Variants in ZFAND4 observed in about 807,000 individuals in gnomAD.
ZFAND4 encodes the protein zinc finger AN1-type containing 4, also known as AN1-type zinc finger protein 4.
Under a neutral mutation model 64.4 loss-of-function variants are expected in ZFAND4, and 43 were observed. The ratio of observed to expected loss-of-function variants is 0.67; its 90% CI spans 0.52 to 0.86. ZFAND4 has a LOEUF of 0.86. Ranked by LOEUF, ZFAND4 falls within the 40% of genes least tolerant of loss-of-function variation. The pLI is 0.00. For synonymous variants in ZFAND4, 296 were observed against 305.7 expected (o/e 0.97, Z 0.33); for missense variants, 929 against 859.8 (o/e 1.08, Z -1.01).
intron 8 of ZFAND4, among the ~76,000 whole-genome samples, chr10:45,623,440 C>A (rs2045576287): frequency 6.6e-6 from 1 of 151,924 alleles, no homozygotes; most frequent in African/African-American, 2.4e-5. Context: ...TGTGTGTGTA[C>A]ACACACACGC....
rs1448799961 is a variant in ZFAND4, at chr10:45,626,595, C to A, written c.1228G>T (p.Asp410Tyr). The A allele has an allele frequency of 6.2e-7, 1 of 1,614,094 alleles. No individual in the cohort carries two copies. Among genetic ancestry groups the A allele is most frequent in the East Asian group, 2.2e-5 (1 of 44,894 alleles). The change falls in exon 7 of 10, where the codon GAT becomes TAT. Residue 410 changes from aspartate to tyrosine, a missense_variant. Coordinates refer to ENST00000344646, the MANE Select transcript of ZFAND4 (RefSeq NM_174890.4). ...SLASFAEGNA[D>Y]EQSSGLEGAC... ...CCTTCTAAGCCGCTGCTCTGTTCAT[C>A]AGCATTTCCTTCTGCAAATGAAGCC...
chr10:45,631,709 CTAA>C (rs1484893985), intron 6 of ZFAND4, among the ~76,000 whole-genome samples: 20 of 152,096 alleles, frequency 1.3e-4, no homozygotes, highest in Admixed American at 9.8e-4. Context: ...AGGATTAAGG[CTAA>C]TGTTTCTAGC....
intron 4 of ZFAND4, among the ~76,000 whole-genome samples, 181 bp downstream of exon 4, chr10:45,651,785 T>C (rs75688306): frequency 0.025 from 3,879 of 152,318 alleles, 68 homozygotes; most frequent in East Asian, 0.053. Flanking sequence ...TTCTGAATTG[T>C]ATTTTAGAGT....
chr10:45,662,098 G>C (rs112931143), intron 2 of ZFAND4, among the ~76,000 whole-genome samples: 3,772 of 152,182 alleles, frequency 0.025, 155 homozygotes, highest in African/African-American at 0.084. Flanking sequence ...TTAAGCCACC[G>C]GTCTGTGGTA....
intron 7 of ZFAND4, 84 bp from the exon 8 acceptor site, chr10:45,624,721 T>C: frequency 2.6e-6 from 3 of 1,153,462 alleles, no homozygotes; most frequent in East Asian, 2.4e-5. Context: ...TTGTATTTTA[T>C]CACTAAGATG....
intron 6 of ZFAND4, among the ~76,000 whole-genome samples, chr10:45,635,203 AAAAAAAAAAACAAAAAAAAAACAAAC>A (rs1236841578): frequency 1.4e-5 from 2 of 145,936 alleles, no homozygotes; most frequent in African/African-American, 5.1e-5. Flanking sequence ...AGCAAAAAAA[AAAAAAAAAAACAAAAAAAAAACAAAC>A]AAAAAAAAAC....
chr10:45,629,696 A>G (rs995175721), intron 6 of ZFAND4, among the ~76,000 whole-genome samples: 1 of 151,898 alleles, frequency 6.6e-6, no homozygotes, highest in Admixed American at 6.6e-5. Flanking sequence ...ACCCATCTCT[A>G]TCAATAATAC....
chr10:45,648,413 T>A lies in ZFAND4; in HGVS notation c.450A>T (p.Gln150His). 1 of 1,614,062 alleles carries A rather than the reference T, an allele frequency of 6.2e-7. No homozygotes were observed. The highest frequency in any genetic ancestry group is 1.3e-5 in the African/African-American group (1 of 75,052). The change falls in exon 5 of 10, where the codon CAA (glutamine) becomes CAT (histidine). Residue 150 changes from glutamine to histidine, a missense_variant. Gln to His is a conservative substitution (Grantham distance 24). Transcript: ENST00000344646. ...TATCTACTGCAGGAAAGAAATTCAA[T>A]TGATCTCCTTCTTGGTATACCAAAA... Reference protein sequence around the residue: ...VTFLVYQEGDQLNFFPAVDRG... With the variant: ...VTFLVYQEGDHLNFFPAVDRG...
Position 45,627,020 on chromosome 10 carries a change from A to G in ZFAND4, c.803T>C (p.Leu268Ser), listed in dbSNP as rs1476911170. 6 of 1,608,638 alleles carry G rather than the reference A, an allele frequency of 3.7e-6. 1 individual carries two copies. The highest frequency in any genetic ancestry group is 3.3e-5 in the South Asian group (3 of 90,300). Reference protein sequence around the residue: ...SGSTAPSRHRLLRVLPNIGQS... With the variant: ...SGSTAPSRHRSLRVLPNIGQS... Reference sequence around the variant, plus strand: ...ACCAATGTTGGGGAGGACCCTTAACAATCGGTGGCGAGATGGTGCAGTGGA... The same window carrying G: ...ACCAATGTTGGGGAGGACCCTTAACGATCGGTGGCGAGATGGTGCAGTGGA... Residue 268 changes from leucine (L) to serine (S), a missense_variant, in exon 7 of 10, where the codon TTG becomes TCG. Physicochemically the swap from Leu to Ser is moderately radical, Grantham distance 145 (BLOSUM62 -2). Transcript: ENST00000344646.
intron 6 of ZFAND4, among the ~76,000 whole-genome samples, chr10:45,630,258 CA>C (rs1367255390): frequency 6.6e-6 from 1 of 151,962 alleles, no homozygotes; most frequent in Non-Finnish European, 1.5e-5. Context: ...AAAATCTCAT[CA>C]AATCATAAAT....
At chr10:45,642,607 C>CA (rs531722370) in intron 5 of ZFAND4, among the ~76,000 whole-genome samples, 2,632 of 58,414 alleles carry the variant, frequency 0.045, 76 homozygotes, top group Middle Eastern at 0.13. Context: ...GACTCCATCT[C>CA]AAAAAAAAAA....
intron 2 of ZFAND4, among the ~76,000 whole-genome samples, chr10:45,660,911 A>C (rs1387581859): frequency 4.3e-5 from 6 of 140,564 alleles, no homozygotes; most frequent in African/African-American, 1.5e-4. Flanking sequence ...AAAAGACATT[A>C]TTCACAGAAA....
Position 45,652,665 on chromosome 10 carries a change from T to C in ZFAND4, c.260+319A>G, listed in dbSNP as rs777974624. ...TTGTAAAAACAGAAAGAAAGGAACA[T>C]AGCCAGGAAGGAATGGTTCAATATT... On this transcript the variant is annotated intron_variant, in intron 3 of 9. Transcript: ENST00000344646. 5.3e-5 allele frequency among the ~76,000 whole-genome samples: 8 copies of C among 151,884 alleles called. 1 individual carries two copies. The highest frequency in any genetic ancestry group is 1.2e-4 in the Non-Finnish European group (8 of 67,952).
At chr10:45,656,700 A>T (rs1005809294) in intron 2 of ZFAND4, among the ~76,000 whole-genome samples, 1 of 152,106 alleles carries the variant, frequency 6.6e-6, no homozygotes, top group African/African-American at 2.4e-5. Flanking sequence ...ACCCAAATTC[A>T]TATGCTGAAG....
chr10:45,641,903 A>G (rs915157520), intron 5 of ZFAND4, among the ~76,000 whole-genome samples: 12 of 152,172 alleles, frequency 7.9e-5, no homozygotes, highest in African/African-American at 2.4e-4. Flanking sequence ...CAAATCCCCT[A>G]TGTGTCTGGT....
At chr10:45,642,684 C>CTT (rs915678867) in intron 5 of ZFAND4, among the ~76,000 whole-genome samples, 1 of 148,440 alleles carries the variant, frequency 6.7e-6, no homozygotes, top group African/African-American at 2.5e-5. Flanking sequence ...TTAAATTCAC[C>CTT]TTTTTTTTTC....
At chr10:45,652,868 A>T in intron 3 of ZFAND4, 116 bp downstream of exon 3, 1 of 717,124 alleles carries the variant, frequency 1.4e-6, no homozygotes, top group East Asian at 2.7e-5. Flanking sequence ...AAATCTAGGA[A>T]TGTGAACTAT....
At position 45,663,115 on chromosome 10, in the gene ZFAND4, T is replaced by TA. The variant is rs544625363; in HGVS notation, c.184+426dup. 5.1e-3 allele frequency among the ~76,000 whole-genome samples: 663 copies of TA among 130,190 alleles called. 3 individuals carry two copies. The highest frequency in any genetic ancestry group is 0.015 in the African/African-American group (529 of 35,638). The allele number at this position is 130,190 out of a possible 152,430, so 85.4% of individuals were successfully genotyped here. A position where few individuals can be genotyped will look rare whatever the true frequency, so the allele number is the denominator to read the frequency against. Reference sequence around the variant, plus strand: ...GACTCTTTTCGGAAAACCTCCACATTAAAAAAAAAAAAAAGGAGGGTGGTT... The same window carrying TA: ...GACTCTTTTCGGAAAACCTCCACATTAAAAAAAAAAAAAAAGGAGGGTGGTT... On this transcript the variant is annotated intron_variant, in intron 2 of 9. Coordinates refer to ENST00000344646, the MANE Select transcript of ZFAND4 (RefSeq NM_174890.4).
Position 45,648,449 on chromosome 10 carries a change from T to C in ZFAND4, c.414A>G (p.Lys138=). ...CTTGGTATACCAAAAATGTAACTTG[T>C]TTGCTGCAGGAGGTCTTCTCCCAGA... ...VEVWEKTSCS[K]QVTFLVYQEG... Residue 138 remains lysine (K), a synonymous_variant, in exon 5 of 10, where the codon AAA becomes AAG. Coordinates refer to ENST00000344646, the MANE Select transcript of ZFAND4 (RefSeq NM_174890.4). 1.9e-6 allele frequency: 3 copies of C among 1,613,930 alleles called. No individual in the cohort carries two copies. Among genetic ancestry groups the C allele is most frequent in the Middle Eastern group, 1.6e-4 (1 of 6,062 alleles).
Sources: allele counts gnomAD v4.1 joint callset (sites outside exome capture counted in the v4.1 genomes callset), GRCh38; gene constraint gnomAD v4.1.1; transcripts MANE v1.5; gene names NCBI Gene and HGNC (gene_info 2026-07-23, HGNC 2026-07-21).